The following ITPR1 variants were observed in gnomAD, a reference collection of about 807,000 sequenced individuals.
ITPR1 encodes inositol 1,4,5-trisphosphate receptor type 1, also known as inositol 1,4,5-trisphosphate-gated calcium channel ITPR1.
In ITPR1, 96 loss-of-function variants were observed where a neutral mutation model predicts 318.4. The ratio of observed to expected loss-of-function variants is 0.30; its 90% CI spans 0.26 to 0.36. The LOEUF is 0.36. ITPR1 is among the 10% of genes least tolerant of loss of function. The probability of loss-of-function intolerance (pLI) is 1.00; values close to 1 mark genes in which losing one functional copy is unlikely to be tolerated. For synonymous variants in ITPR1, 1,312 were observed against 1,289.9 expected (o/e 1.02, Z -0.37); for missense variants, 2,440 against 3,460.2 (o/e 0.71, Z 7.40).
intron 3 of ITPR1, among the ~76,000 whole-genome samples, chr3:4,519,908 T>C (rs1285749697): frequency 3.3e-5 from 5 of 151,846 alleles, no homozygotes; most frequent in Admixed American, 6.6e-5. Context: ...AGGCAGAGAG[T>C]GTCTGGCGCA....
intron 32 of ITPR1, 31 bp from the exon 33 acceptor site, chr3:4,693,459 G>A (rs1293749728): frequency 1.9e-6 from 3 of 1,601,378 alleles, no homozygotes; most frequent in Non-Finnish European, 2.6e-6. Context: ...CTGCAAGCTT[G>A]TAATCTAAAC....
chr3:4,823,955 C>T (rs1024533978), intron 60 of ITPR1, among the ~76,000 whole-genome samples: 1 of 152,168 alleles, frequency 6.6e-6, no homozygotes, highest in African/African-American at 2.4e-5. Context: ...GCCCGGTTAA[C>T]ATAACTCTTA....
At chr3:4,689,909 G>A (rs6803046) in intron 31 of ITPR1, among the ~76,000 whole-genome samples, 65,565 of 151,954 alleles carry the variant, frequency 0.43, 15,532 homozygotes, top group Non-Finnish European at 0.56. Flanking sequence ...TGCGATGCAC[G>A]TTCTCAACAA....
At chr3:4,733,817 AC>A (rs956877925) in intron 43 of ITPR1, among the ~76,000 whole-genome samples, 57 of 152,296 alleles carry the variant, frequency 3.7e-4, no homozygotes, top group African/African-American at 1.3e-3. Context: ...TTACAAAAAA[AC>A]ATCCCTGTAC....
At chr3:4,573,561 T>C (rs2088268977) in intron 4 of ITPR1, among the ~76,000 whole-genome samples, 1 of 152,362 alleles carries the variant, frequency 6.6e-6, no homozygotes, top group Non-Finnish European at 1.5e-5. Context: ...GAGGATAAAA[T>C]TCAAAGTTGT....
chr3:4,662,887 T>G (rs1381460878), intron 15 of ITPR1, among the ~76,000 whole-genome samples, 178 bp from the exon 16 acceptor site: 3 of 152,178 alleles, frequency 2.0e-5, no homozygotes, highest in Non-Finnish European at 4.4e-5. Context: ...GACAATGATA[T>G]GTTTTGTGTC....
chr3:4,789,534 T>A (rs988212804), intron 52 of ITPR1, among the ~76,000 whole-genome samples: 14 of 152,264 alleles, frequency 9.2e-5, no homozygotes, highest in African/African-American at 3.4e-4. Flanking sequence ...AAAACTTATC[T>A]GTTGCTTTTG....
chr3:4,741,215 G>GT (rs923526481), intron 44 of ITPR1, among the ~76,000 whole-genome samples: 24 of 151,788 alleles, frequency 1.6e-4, no homozygotes, highest in African/African-American at 4.8e-4. Context: ...TTTTATTTTT[G>GT]TTTTTTTTAA....
chr3:4,820,742 G>A (rs896361547), intron 60 of ITPR1, among the ~76,000 whole-genome samples: 7 of 152,250 alleles, frequency 4.6e-5, no homozygotes, highest in African/African-American at 1.4e-4. Flanking sequence ...TCAGAGAAGC[G>A]TCAGATCTAC....
At chr3:4,499,801 G>A (rs2080882754) in intron 2 of ITPR1, among the ~76,000 whole-genome samples, 1 of 152,144 alleles carries the variant, frequency 6.6e-6, no homozygotes, top group Admixed American at 6.5e-5. Flanking sequence ...TCAAAGTTAG[G>A]TTCTTTTCTT....
intron 39 of ITPR1, among the ~76,000 whole-genome samples, chr3:4,714,061 C>A (rs865997042): frequency 1.3e-5 from 2 of 152,332 alleles, no homozygotes; most frequent in Middle Eastern, 3.4e-3. Context: ...TAAAGTATTT[C>A]TGTCTCCTGA....
intron 2 of ITPR1, among the ~76,000 whole-genome samples, chr3:4,514,267 T>C (rs1436627135): frequency 1.3e-5 from 2 of 152,136 alleles, no homozygotes; most frequent in East Asian, 3.9e-4. Flanking sequence ...TAAGAGAACA[T>C]TTGTAAAGCA....
At chr3:4,496,062 G>T (rs910852443) in intron 2 of ITPR1, among the ~76,000 whole-genome samples, 1 of 152,140 alleles carries the variant, frequency 6.6e-6, no homozygotes, top group Non-Finnish European at 1.5e-5. Flanking sequence ...AGAGTAAAAA[G>T]AAACAAAACC....
chr3:4,681,109 A>G (rs2094289825), intron 25 of ITPR1, among the ~76,000 whole-genome samples: 1 of 152,182 alleles, frequency 6.6e-6, no homozygotes, highest in East Asian at 1.9e-4. Context: ...CCCATCTACC[A>G]AGCCCAAGCT....
intron 61 of ITPR1, among the ~76,000 whole-genome samples, chr3:4,844,563 C>T (rs2051615609): frequency 6.6e-6 from 1 of 152,216 alleles, no homozygotes; most frequent in Non-Finnish European, 1.5e-5. Context: ...TCTGAACTAT[C>T]AGGTAGTAAG....
intron 5 of ITPR1, among the ~76,000 whole-genome samples, chr3:4,629,785 G>A (rs1480844914): frequency 6.6e-6 from 1 of 152,200 alleles, no homozygotes; most frequent in African/African-American, 2.4e-5. Flanking sequence ...CTGGATAAGA[G>A]GGTGTGATAC....
At chr3:4,831,138 C>CACACACACACAA in intron 60 of ITPR1, 1 of 374,356 alleles carries the variant, frequency 2.7e-6, no homozygotes, top group South Asian at 2.0e-5. Flanking sequence ...CTCTCACACA[C>CACACACACACAA]ACACACACAC....
At chr3:4,544,472 A>G (rs759771169) in intron 4 of ITPR1, among the ~76,000 whole-genome samples, 2 of 152,258 alleles carry the variant, frequency 1.3e-5, no homozygotes, top group Non-Finnish European at 2.9e-5. Flanking sequence ...AGTGTTAGTG[A>G]CAGCAGAGGC....
At position 4,501,178 on chromosome 3, in the gene ITPR1, T is replaced by A. The variant is rs115471460; in HGVS notation, c.-17+6672T>A. On this transcript the variant is annotated intron_variant, in intron 2 of 61. Coordinates refer to ENST00000649015, the MANE Select transcript of ITPR1 (RefSeq NM_001378452.1). ...GGCCCAGCCAAACTTTTTTTTTTTT[T>A]AATGACATGCACTAGAATAGAAAAC... is the stretch of plus-strand genomic sequence containing the variant. Among the ~76,000 whole-genome samples the A allele has an allele frequency of 8.1e-3, 1,239 of 152,118 alleles. 13 individuals carry two copies. Among genetic ancestry groups the A allele is most frequent in the African/African-American group, 0.028 (1,170 of 41,478 alleles).
Sources: allele counts gnomAD v4.1 joint callset (sites outside exome capture counted in the v4.1 genomes callset), GRCh38; gene constraint gnomAD v4.1.1; transcripts MANE v1.5; gene names NCBI Gene and HGNC (gene_info 2026-07-23, HGNC 2026-07-21).